Variants in NRK observed in about 807,000 individuals in gnomAD.
NRK encodes the protein Nik related kinase.
NRK carries 67 observed loss-of-function variants against 125.2 expected under a neutral mutation model. That is an observed-to-expected ratio of 0.54 (90% CI 0.44 to 0.66). The LOEUF is 0.66. NRK is among the 30% of genes least tolerant of loss of function. The pLI, the probability that NRK is intolerant of heterozygous loss-of-function variation, is 0.00. For synonymous variants in NRK, 458 were observed against 429.0 expected, an observed-to-expected ratio of 1.07 and a Z score of -0.84; for missense variants, 1,224 against 1,192.9, an observed-to-expected ratio of 1.03 and a Z score of -0.38.
At chrX:105,826,812 A>C (rs1259535846) in intron 1 of NRK, among the ~76,000 whole-genome samples, 1 of 111,016 alleles carries the variant, frequency 9.0e-6, no homozygotes, top group Non-Finnish European at 1.9e-5. Context: ...TCAGTTAACT[A>C]TAATTGAAAT....
intron 2 of NRK, among the ~76,000 whole-genome samples, chrX:105,859,016 T>C (rs1247678777): frequency 1.3e-4 from 15 of 111,217 alleles, no homozygotes; most frequent in African/African-American, 4.9e-4. Flanking sequence ...GAAAGTTAAT[T>C]AATAAAGTTA....
At chrX:105,925,237 ATTTG>A (rs1242700083) in intron 19 of NRK, among the ~76,000 whole-genome samples, 2 of 111,223 alleles carry the variant, frequency 1.8e-5, no homozygotes, top group Admixed American at 1.9e-4. Flanking sequence ...AAAATCTCTT[ATTTG>A]TTTGCCTTTA....
intron 19 of NRK, among the ~76,000 whole-genome samples, chrX:105,929,299 T>C (rs1355303886): frequency 8.9e-6 from 1 of 111,897 alleles, no homozygotes; most frequent in Admixed American, 9.5e-5. Context: ...GATATAAGTG[T>C]AGCTATTCAC....
chrX:105,930,041 G>A (rs209082), intron 19 of NRK, among the ~76,000 whole-genome samples: 37,305 of 110,441 alleles, frequency 0.34, 6,002 homozygotes, highest in African/African-American at 0.64. Flanking sequence ...GTTTCACTGT[G>A]ATTTTCTTTG....
At chrX:105,922,389 A>C (rs909929906) in intron 17 of NRK, among the ~76,000 whole-genome samples, 1 of 111,911 alleles carries the variant, frequency 8.9e-6, no homozygotes, top group Non-Finnish European at 1.9e-5. Context: ...TCCAACTTTT[A>C]ATAGCATTCC....
chrX:105,851,374 A>G (rs2039469901), intron 2 of NRK, among the ~76,000 whole-genome samples: 1 of 111,879 alleles, frequency 8.9e-6, no homozygotes, highest in Admixed American at 9.5e-5. Context: ...ATGTATTGGG[A>G]AGGAAGAGAT....
intron 5 of NRK, 68 bp from the exon 6 acceptor site, chrX:105,893,764 C>A: frequency 1.5e-6 from 1 of 655,832 alleles, no homozygotes; most frequent in Non-Finnish European, 2.5e-6. Context: ...GCCATATGGA[C>A]TAAAACTCTC....
At chrX:105,824,154 TCAGTG>T (rs2039061527) in intron 1 of NRK, among the ~76,000 whole-genome samples, 1 of 112,102 alleles carries the variant, frequency 8.9e-6, no homozygotes, top group Non-Finnish European at 1.9e-5. Flanking sequence ...TTAAAAAAAA[TCAGTG>T]CAAACTTGAA....
chrX:105,829,170 T>C (rs192252884), intron 1 of NRK, among the ~76,000 whole-genome samples: 1 of 112,071 alleles, frequency 8.9e-6, no homozygotes, highest in East Asian at 2.8e-4. Context: ...AGTTAATTAA[T>C]GGTAGAGCTG....
chrX:105,924,183 T>G (rs1462937349), intron 18 of NRK, among the ~76,000 whole-genome samples: 1 of 109,763 alleles, frequency 9.1e-6, no homozygotes, highest in East Asian at 2.9e-4. Context: ...ATTGCTGAAC[T>G]TCCTTGGTGG....
At chrX:105,895,324 T>C (rs763641422) in intron 6 of NRK, 109 bp from the exon 7 acceptor site, 1 of 599,589 alleles carries the variant, frequency 1.7e-6, no homozygotes, top group Non-Finnish European at 2.9e-6. Context: ...AAGCTGTTTC[T>C]CTTATCAAAA....
At chrX:105,933,749 A>G (rs1223988198) in intron 19 of NRK, among the ~76,000 whole-genome samples, 2 of 111,901 alleles carry the variant, frequency 1.8e-5, no homozygotes, top group African/African-American at 6.5e-5. Context: ...ACTGTGCTTT[A>G]TATTTTTTCA....
At chrX:105,847,759 C>T (rs1207041570) in intron 2 of NRK, among the ~76,000 whole-genome samples, 1 of 111,771 alleles carries the variant, frequency 8.9e-6, no homozygotes, top group Non-Finnish European at 1.9e-5. Flanking sequence ...GAGTATGCAG[C>T]TTCCATCTTT....
chrX:105,939,872 A>T lies in NRK; in HGVS notation c.3800-2A>T. 9.0e-7 allele frequency: 1 copy of T among 1,105,080 alleles called. No individual in the cohort carries two copies. Among genetic ancestry groups the T allele is most frequent in the Non-Finnish European group, 1.2e-6 (1 of 812,404 alleles). 91.1% of individuals were successfully genotyped at this position (1,105,080 alleles called of 1,213,427 possible). ...AATACTGTATATTTTCTTATCTATC[A>T]GGTCATAAGAACAGACTTCGGGTGT... On this transcript the variant is annotated splice_acceptor_variant, in intron 22 of 28. Coordinates refer to ENST00000243300, the MANE Select transcript of NRK (RefSeq NM_198465.4). LOFTEE classifies it high-confidence loss of function.
At chrX:105,824,617 C>CAA (rs59276814) in intron 1 of NRK, among the ~76,000 whole-genome samples, 54 of 75,463 alleles carry the variant, frequency 7.2e-4, no homozygotes, top group African/African-American at 1.9e-3. Context: ...TTTACTGCCA[C>CAA]AAAAAAAAAA....
At chrX:105,860,761 A>G (rs749851082) in intron 2 of NRK, among the ~76,000 whole-genome samples, 2 of 110,774 alleles carry the variant, frequency 1.8e-5, no homozygotes, top group Non-Finnish European at 3.8e-5. Context: ...CCAACCTAAT[A>G]GTTTTCAGTT....
chrX:105,847,141 T>C (rs2039413955), intron 2 of NRK, among the ~76,000 whole-genome samples: 1 of 111,783 alleles, frequency 8.9e-6, no homozygotes, highest in Non-Finnish European at 1.9e-5. Context: ...TTGTACATGA[T>C]ATACTCAAAT....
intron 2 of NRK, among the ~76,000 whole-genome samples, chrX:105,838,833 ACAGT>A: frequency 9.0e-6 from 1 of 110,521 alleles, no homozygotes; most frequent in Middle Eastern, 4.7e-3. Context: ...TATGAAGGTC[ACAGT>A]CAGGAGCAAA....
intron 16 of NRK, among the ~76,000 whole-genome samples, chrX:105,921,562 G>C (rs775419896): frequency 4.0e-3 from 441 of 109,424 alleles, no homozygotes; most frequent in Non-Finnish European, 6.0e-3. Flanking sequence ...ATACACTGTC[G>C]GGCTTTTTTT....
Sources: allele counts gnomAD v4.1 joint callset (sites outside exome capture counted in the v4.1 genomes callset), GRCh38; gene constraint gnomAD v4.1.1; transcripts MANE v1.5; gene names NCBI Gene and HGNC (gene_info 2026-07-23, HGNC 2026-07-21).